The following VAPB variants were observed in gnomAD, a reference collection of about 807,000 sequenced individuals.
VAPB encodes the protein VAMP associated protein B and C, also known as vesicle-associated membrane protein-associated protein B/C.
In VAPB, 7 loss-of-function variants were observed where a neutral mutation model predicts 25.6. That is an observed-to-expected ratio of 0.27 (90% confidence interval 0.16 to 0.51). VAPB has a LOEUF of 0.51. Among genes scored for constraint, VAPB ranks in the 20% least tolerant of loss-of-function variants. The pLI, the probability that VAPB is intolerant of heterozygous loss-of-function variation, is 0.97. For synonymous variants in VAPB, 112 were observed against 109.2 expected (o/e 1.03, Z -0.16); for missense variants, 266 against 301.3 (o/e 0.88, Z 0.87).
chr20:58,389,946 G>T (rs1987750119), intron 1 of VAPB, among the ~76,000 whole-genome samples: 1 of 152,208 alleles, frequency 6.6e-6, no homozygotes, highest in Admixed American at 6.5e-5. Context: ...CAGCCACCGT[G>T]CACACCTGCT....
chr20:58,395,252 A>T (rs1442330033), intron 1 of VAPB, among the ~76,000 whole-genome samples: 3 of 151,820 alleles, frequency 2.0e-5, no homozygotes, highest in Non-Finnish European at 2.9e-5. Context: ...CCTGGGTTCA[A>T]ACGATTCTCC....
rs548836003 is a variant in VAPB, at chr20:58,446,246, C to G, written c.*2011C>G. On this transcript the variant is annotated 3_prime_UTR_variant, in exon 6 of 6. Coordinates refer to ENST00000475243, the MANE Select transcript of VAPB (RefSeq NM_004738.5). ...TACTTATAAAAGGGAGTGAAAAGAC[C>G]GAGCTGTAAGGCATGTGCCTTCTGC... The G allele has an allele frequency of 1.1e-5, 5 of 453,884 alleles. No individual in the cohort carries two copies. Among genetic ancestry groups the G allele is most frequent in the Non-Finnish European group, 2.2e-5 (5 of 226,782 alleles). 28.1% of individuals were successfully genotyped at this position (453,884 alleles called of 1,614,324 possible). A position where few individuals can be genotyped will look rare whatever the true frequency, so the allele number is the denominator to read the frequency against.
At chr20:58,437,329 T>C (rs972985023) in intron 3 of VAPB, among the ~76,000 whole-genome samples, 5 of 152,094 alleles carry the variant, frequency 3.3e-5, no homozygotes, top group African/African-American at 1.2e-4. Context: ...ATGTCCTGTA[T>C]TCTGGATTTA....
chr20:58,443,442 C>T (rs1320369580), intron 5 of VAPB, among the ~76,000 whole-genome samples: 1 of 141,192 alleles, frequency 7.1e-6, no homozygotes, highest in Non-Finnish European at 1.5e-5. Flanking sequence ...CACTCTGTCA[C>T]CCCAGGCTAA....
rs780851496 is a variant in VAPB at position 58,440,996 on chromosome 20, T to A, written c.486T>A (p.Asp162Glu). Residue 162 changes from aspartate (D) to glutamate (E), a missense_variant, in exon 5 of 6, where the codon GAT (aspartate) becomes GAA (glutamate). This residue lies in a region of VAPB where 136 missense variants were observed against 130.7 expected (regional missense o/e 1.04). Transcript: ENST00000475243. ...CTAAGTCTCTGAGTTCTTCTTTGGA[T>A]GACACCGAAGTTAAGAAGGTTATGG... ...IVSKSLSSSLDDTEVKKVMEE... is the reference protein window; with the variant it reads ...IVSKSLSSSLEDTEVKKVMEE... 77 of 1,614,006 alleles carry A rather than the reference T, an allele frequency of 4.8e-5. No homozygotes were observed. Among genetic ancestry groups the A allele is most frequent in the Non-Finnish European group, 1.2e-5 (14 of 1,180,026 alleles).
rs74315431 is a variant in VAPB, at chr20:58,418,318, C to T, written c.166C>T (p.Pro56Ser). The T allele has an allele frequency of 6.2e-7, 1 of 1,614,188 alleles. No individual in the cohort carries two copies. ...TTAPRRYCVR[P>S]NSGIIDAGAS... ...AGCACCACGTAGGTACTGTGTGAGGCCCAACAGCGGAATCATCGATGCAGG... is the reference window on the plus strand; with the variant it reads ...AGCACCACGTAGGTACTGTGTGAGGTCCAACAGCGGAATCATCGATGCAGG... The change falls in exon 2 of 6, where the codon CCC becomes TCC. Residue 56 changes from proline to serine, a missense_variant. By Grantham distance (74) the Pro-to-Ser change is moderately conservative (BLOSUM62 -1). Coordinates refer to ENST00000475243, the MANE Select transcript of VAPB (RefSeq NM_004738.5).
At chr20:58,406,145 G>A (rs1042015705) in intron 1 of VAPB, among the ~76,000 whole-genome samples, 1 of 152,110 alleles carries the variant, frequency 6.6e-6, no homozygotes, top group African/African-American at 2.4e-5. Context: ...CTTGCAACGA[G>A]AGATGTTAAA....
chr20:58,438,565 C>T (rs143040588), intron 3 of VAPB, among the ~76,000 whole-genome samples: 2 of 152,344 alleles, frequency 1.3e-5, no homozygotes, highest in African/African-American at 4.8e-5. Context: ...AGGCATAAGC[C>T]ACCATGCCCA....
Position 58,436,327 on chromosome 20 carries a change from CTTTT to C in VAPB, c.315+1642_315+1645del, listed in dbSNP as rs57100987. Among the ~76,000 whole-genome samples the C allele has an allele frequency of 9.6e-5, 11 of 114,990 alleles. No homozygotes were observed. In the South Asian group the frequency reaches 1.1e-3, roughly 12 times the overall value. The allele number at this position is 114,990 out of a possible 152,430, so 75.4% of individuals were successfully genotyped here. A position where few individuals can be genotyped will look rare whatever the true frequency, so the allele number is the denominator to read the frequency against. ...AAATGAGAGCTTTGTGTTTTTCTTC[CTTTT>C]TTTTTTTTTTTTTTTTTTTGGAGAC... On this transcript the variant is annotated intron_variant, in intron 3 of 5. Transcript: ENST00000475243.
chr20:58,436,146 C>G (rs1989039220), intron 3 of VAPB, among the ~76,000 whole-genome samples: 1 of 151,748 alleles, frequency 6.6e-6, no homozygotes, highest in Non-Finnish European at 1.5e-5. Flanking sequence ...CACTGCATAT[C>G]TAGTAAAGGG....
chr20:58,429,256 T>G (rs925187277), intron 2 of VAPB, among the ~76,000 whole-genome samples: 10 of 152,202 alleles, frequency 6.6e-5, no homozygotes, highest in Non-Finnish European at 1.5e-4. Flanking sequence ...ACAGTTTTTA[T>G]TCCCAATTGA....
chr20:58,403,823 CTG>C (rs1988157786), intron 1 of VAPB, among the ~76,000 whole-genome samples: 1 of 152,210 alleles, frequency 6.6e-6, no homozygotes, highest in African/African-American at 2.4e-5. Context: ...ATGTTCCACA[CTG>C]TATTTACCGT....
intron 2 of VAPB, among the ~76,000 whole-genome samples, chr20:58,419,379 T>TC (rs1320250542): frequency 6.6e-6 from 1 of 152,188 alleles, no homozygotes. Flanking sequence ...ATGCCAGCTC[T>TC]CCCCCTGTGC....
chr20:58,447,979 C>T lies in VAPB; in HGVS notation c.*3744C>T, dbSNP rs1480881750. On this transcript the variant is annotated 3_prime_UTR_variant, in exon 6 of 6. Coordinates refer to ENST00000475243, the MANE Select transcript of VAPB (RefSeq NM_004738.5). ...CACTGCTTCCCCCTGCTGGAGATGG[C>T]ATTTCATTGAAGGGCCTCTCGTGGC... 1 of 453,912 alleles carries T rather than the reference C, an allele frequency of 2.2e-6. No individual in the cohort carries two copies. 28.1% of individuals were successfully genotyped at this position (453,912 alleles called of 1,614,324 possible).
chr20:58,408,990 A>G (rs1478079302), intron 1 of VAPB, among the ~76,000 whole-genome samples: 1 of 150,738 alleles, frequency 6.6e-6, no homozygotes, highest in Non-Finnish European at 1.5e-5. Flanking sequence ...ATGCTGGAAC[A>G]GGAGCAGCAG....
intron 1 of VAPB, 118 bp downstream of exon 1, chr20:58,389,635 G>T (rs1987736452): frequency 8.7e-7 from 1 of 1,152,172 alleles, no homozygotes; most frequent in Non-Finnish European, 1.1e-6. Context: ...CGCTGTCGCG[G>T]GGGGCGGCGA....
rs764138143 is a variant in VAPB at position 58,397,832 on chromosome 20, A to G, written c.58+8315A>G. ...GTTAATAAACTAGAGACTTGTCTCA[A>G]TTGTTCAAAGAGGTAAACTTAAGGT... On this transcript the variant is annotated intron_variant, in intron 1 of 5. Coordinates refer to ENST00000475243, the MANE Select transcript of VAPB (RefSeq NM_004738.5). Among the ~76,000 whole-genome samples, 16 of 152,334 alleles carry G rather than the reference A, an allele frequency of 1.1e-4. No homozygotes were observed. In the Middle Eastern group the frequency reaches 0.01, roughly 97 times the overall value.
intron 1 of VAPB, among the ~76,000 whole-genome samples, chr20:58,414,494 CCT>C (rs1988482439): frequency 6.6e-6 from 1 of 151,440 alleles, no homozygotes; most frequent in South Asian, 2.1e-4. Context: ...CAGAGGGTCT[CCT>C]CACCTCTCAG....
chr20:58,414,388 C>T (rs1487980934), intron 1 of VAPB, among the ~76,000 whole-genome samples: 13 of 150,688 alleles, frequency 8.6e-5, no homozygotes, highest in Non-Finnish European at 1.5e-4. Context: ...ACCTCCCAGA[C>T]GGGGTGGCCG....
Sources: gnomAD v4.1 joint callset for allele counts (sites outside exome capture counted in the v4.1 genomes callset) on GRCh38, gnomAD v4.1.1 for gene constraint, gnomAD v4.1.1 regional missense constraint, MANE v1.5 for transcripts, NCBI Gene and HGNC (gene_info 2026-07-23, HGNC 2026-07-21) for gene names.